GORASP2: variants seen among roughly 807,000 people sequenced by gnomAD.
GORASP2 encodes Golgi reassembly-stacking protein 2.
GORASP2 carries 22 observed loss-of-function variants against 45.7 expected under a neutral mutation model. The observed-to-expected ratio is 0.48, with a 90% CI of 0.34 to 0.69. GORASP2 has a LOEUF of 0.69. Among genes scored for constraint, GORASP2 ranks in the 30% least tolerant of loss-of-function variants. The pLI, the probability that GORASP2 is intolerant of heterozygous loss-of-function variation, is 0.01. For synonymous variants in GORASP2, 221 were observed against 215.6 expected (o/e 1.02, Z -0.22); for missense variants, 491 against 562.7 (o/e 0.87, Z 1.29).
intron 2 of GORASP2, 99 bp downstream of exon 2, chr2:170,948,529 A>T: frequency 1.5e-6 from 1 of 662,750 alleles, no homozygotes; most frequent in South Asian, 1.8e-5. Flanking sequence ...AGTTACAATC[A>T]TTATGTGTAG....
At chr2:170,948,221 TGA>T (rs895934288) in intron 1 of GORASP2, 127 bp from the exon 2 acceptor site, 2 of 634,458 alleles carry the variant, frequency 3.2e-6, no homozygotes, top group African/African-American at 1.9e-5. Flanking sequence ...TGAAGAGAAA[TGA>T]GAGAACTAGC....
chr2:170,947,366 T>A (rs536796889), intron 1 of GORASP2, among the ~76,000 whole-genome samples: 1 of 152,246 alleles, frequency 6.6e-6, no homozygotes, highest in African/African-American at 2.4e-5. Flanking sequence ...TTACTCATAC[T>A]GTTTTGTCCA....
Position 170,947,578 on chromosome 2 carries a change from C to T in GORASP2, c.64-772C>T, listed in dbSNP as rs569504887. Among the ~76,000 whole-genome samples, 6 of 152,228 alleles carry T rather than the reference C, an allele frequency of 3.9e-5. No individual in the cohort carries two copies. The East Asian group carries it at 9.6e-4, about 24-fold the overall frequency. Reference sequence around the variant, plus strand: ...ATTAGAGGGCTGTGTATCCATTGCCCCTTCCTCTTCTCACCTATTCCTCAA... The same window carrying T: ...ATTAGAGGGCTGTGTATCCATTGCCTCTTCCTCTTCTCACCTATTCCTCAA... On this transcript the variant is annotated intron_variant, in intron 1 of 9. Transcript: ENST00000234160.
In GORASP2 at chr2:170,953,063, AG is replaced by A. The variant is rs1057105922; in HGVS notation, c.567-1585del. On this transcript the variant is annotated intron_variant, in intron 5 of 9. Transcript: ENST00000234160. ...ATCATTGTGCATATCAGACTGGTAA[AG>A]GAGGAGCTAGGCCTGGCATGGTGGC... 1.5e-4 allele frequency among the ~76,000 whole-genome samples: 23 copies of A among 152,196 alleles called. 2 individuals carry two copies. The highest frequency in any genetic ancestry group is 1.4e-3 in the Admixed American group (21 of 15,288).
chr2:170,943,573 T>A (rs1004137089), intron 1 of GORASP2, among the ~76,000 whole-genome samples: 2 of 152,214 alleles, frequency 1.3e-5, no homozygotes, highest in Non-Finnish European at 2.9e-5. Flanking sequence ...TTTACCAAGC[T>A]CACACAGCTA....
intron 1 of GORASP2, chr2:170,929,655 G>A (rs1380004636): frequency 4.9e-6 from 3 of 612,138 alleles, no homozygotes; most frequent in African/African-American, 3.8e-5. Flanking sequence ...CCGGCGACTC[G>A]GCCAGGGGGC....
intron 1 of GORASP2, among the ~76,000 whole-genome samples, chr2:170,943,607 A>T (rs1490220094): frequency 6.6e-6 from 1 of 152,230 alleles, no homozygotes; most frequent in African/African-American, 2.4e-5. Flanking sequence ...ATCATGGCTT[A>T]AAACCAACTC....
intron 3 of GORASP2, 69 bp downstream of exon 3, chr2:170,949,811 T>G (rs1704259065): frequency 1.6e-6 from 2 of 1,268,572 alleles, no homozygotes; most frequent in Non-Finnish European, 2.3e-6. Context: ...TAACAATGGT[T>G]GTTTCTGGCT....
rs764961783 is a variant in GORASP2 at position 170,948,389 on chromosome 2, C to G, written c.103C>G (p.Pro35Ala). Reference protein sequence around the residue: ...NSPGHRAGLEPFFDFIVSING... With the variant: ...NSPGHRAGLEAFFDFIVSING... Reference sequence around the variant, plus strand: ...CCCAGGACACAGAGCTGGTTTGGAGCCTTTCTTTGATTTTATTGTTTCTAT... The same window carrying G: ...CCCAGGACACAGAGCTGGTTTGGAGGCTTTCTTTGATTTTATTGTTTCTAT... Residue 35 changes from proline to alanine, a missense_variant, in exon 2 of 10, where the codon CCT (proline) becomes GCT (alanine). Transcript: ENST00000234160. 6.3e-7 allele frequency: 1 copy of G among 1,599,096 alleles called. No individual in the cohort carries two copies. Among genetic ancestry groups the G allele is most frequent in the Non-Finnish European group, 8.6e-7 (1 of 1,168,132 alleles).
intron 4 of GORASP2, 117 bp from the exon 5 acceptor site, chr2:170,951,211 G>T: frequency 1.4e-6 from 1 of 708,460 alleles, no homozygotes. Flanking sequence ...TCTGGGGCAG[G>T]GCCCAGAATC....
rs144890506 is a variant in GORASP2 at position 170,949,939 on chromosome 2, T to C, written c.348+197T>C. ...GAGGAAGAGAAGCAAATGTACAAGT[T>C]TAAGAACTTTTTCTAATGATTTATT... On this transcript the variant is annotated intron_variant, in intron 3 of 9. Coordinates refer to ENST00000234160, the MANE Select transcript of GORASP2 (RefSeq NM_015530.5). 1.0e-3 allele frequency: 587 copies of C among 570,390 alleles called. 6 individuals are homozygous for C. In the East Asian group the frequency reaches 0.015, roughly 15 times the overall value. 35.3% of individuals were successfully genotyped at this position (570,390 alleles called of 1,614,324 possible). A position where few individuals can be genotyped will look rare whatever the true frequency, so the allele number is the denominator to read the frequency against.
chr2:170,960,717 T>G (rs1427439428), intron 7 of GORASP2, among the ~76,000 whole-genome samples: 1 of 152,240 alleles, frequency 6.6e-6, no homozygotes, highest in Non-Finnish European at 1.5e-5. Context: ...TCAGTGAAAT[T>G]ATGCAGTCTG....
At position 170,965,866 on chromosome 2, in the gene GORASP2, C is replaced by T. The variant is rs150775622; in HGVS notation, c.1095C>T (p.Leu365=). 7.7e-4 allele frequency: 1,248 copies of T among 1,614,068 alleles called. No individual in the cohort carries two copies. Among genetic ancestry groups the T allele is most frequent in the Non-Finnish European group, 9.8e-4 (1,162 of 1,179,980 alleles). The change falls in exon 10 of 10, where the codon CTC becomes CTT. Residue 365 remains leucine (L), a synonymous_variant. Coordinates refer to ENST00000234160, the MANE Select transcript of GORASP2 (RefSeq NM_015530.5). The part of the protein sequence containing the change: ...IAPLPLPSEF[L]PSFPLVPESS... Reference sequence around the variant, plus strand: ...CTCTCCCCCTGCCATCCGAGTTCCTCCCGTCATTCCCCTTGGTTCCAGAGA... The same window carrying T: ...CTCTCCCCCTGCCATCCGAGTTCCTTCCGTCATTCCCCTTGGTTCCAGAGA...
chr2:170,937,326 A>G (rs1703980514), intron 1 of GORASP2, among the ~76,000 whole-genome samples: 1 of 152,208 alleles, frequency 6.6e-6, no homozygotes, highest in Middle Eastern at 3.4e-3. Flanking sequence ...CTCCCTCCCT[A>G]GCCTTCCAAG....
At chr2:170,948,127 GAAATA>G (rs745327886) in intron 1 of GORASP2, among the ~76,000 whole-genome samples, 1 of 152,026 alleles carries the variant, frequency 6.6e-6, no homozygotes, top group African/African-American at 2.4e-5. Context: ...CTGTCTCAAA[GAAATA>G]AAATAAAAAT....
rs1559317945 is a variant in GORASP2, at chr2:170,966,145, TTGGAATTGGCG to T, written c.*19_*29del. On this transcript the variant is annotated 3_prime_UTR_variant, in exon 10 of 10. Coordinates refer to ENST00000234160, the MANE Select transcript of GORASP2 (RefSeq NM_015530.5). ...AGTCACCTTAACTTTGAACCATTCT[TTGGAATTGGCG>T]TGGTATATTTAACCACGGGAGCGTG... 6.3e-7 allele frequency: 1 copy of T among 1,583,044 alleles called. No homozygotes were observed. Among genetic ancestry groups the T allele is most frequent in the Non-Finnish European group, 8.7e-7 (1 of 1,151,686 alleles).
At chr2:170,944,449 CAG>C (rs1162521097) in intron 1 of GORASP2, among the ~76,000 whole-genome samples, 5 of 152,110 alleles carry the variant, frequency 3.3e-5, no homozygotes, top group East Asian at 1.9e-4. Context: ...CCATTAGAAA[CAG>C]AGAGGAAATC....
rs755884564 is a variant in GORASP2, at chr2:170,966,474, C to T, written c.*344C>T. The T allele has an allele frequency of 4.7e-5, 17 of 360,008 alleles. No homozygotes were observed. The highest frequency in any genetic ancestry group is 8.2e-5 in the Non-Finnish European group (16 of 195,626). The allele number at this position is 360,008 out of a possible 1,614,324, so 22.3% of individuals were successfully genotyped here. Reference sequence around the variant, plus strand: ...GTTTCCTGTCCCCTGCTGCTCCTTCCGTAAGAAAATGAAATATTCTATGCC... The same window carrying T: ...GTTTCCTGTCCCCTGCTGCTCCTTCTGTAAGAAAATGAAATATTCTATGCC... On this transcript the variant is annotated 3_prime_UTR_variant, in exon 10 of 10. Coordinates refer to ENST00000234160, the MANE Select transcript of GORASP2 (RefSeq NM_015530.5).
chr2:170,962,983 A>G (rs1308364545), intron 9 of GORASP2, 37 bp downstream of exon 9: 1 of 1,391,056 alleles, frequency 7.2e-7, no homozygotes, highest in Admixed American at 1.7e-5. Context: ...GACTCTCTCT[A>G]ATAAAAGTTT....
Sources: gnomAD v4.1 joint callset for allele counts (sites outside exome capture counted in the v4.1 genomes callset) on GRCh38, gnomAD v4.1.1 for gene constraint, MANE v1.5 for transcripts, NCBI Gene and HGNC (gene_info 2026-07-23, HGNC 2026-07-21) for gene names.